CCDC18: variants seen among roughly 807,000 people sequenced by gnomAD.
CCDC18 encodes the protein coiled-coil domain-containing protein 18.
CCDC18 carries 157 observed loss-of-function variants against 196.0 expected under a neutral mutation model. The observed-to-expected ratio is 0.80, with a 90% CI of 0.70 to 0.91. CCDC18 has a LOEUF of 0.91. Among genes scored for constraint, CCDC18 ranks in the 40% least tolerant of loss-of-function variants. The pLI, the probability that CCDC18 is intolerant of heterozygous loss-of-function variation, is 0.00. For synonymous variants in CCDC18, 482 were observed against 529.2 expected, an observed-to-expected ratio of 0.91 and a Z score of 1.22; for missense variants, 1,465 against 1,611.6, an observed-to-expected ratio of 0.91 and a Z score of 1.56.
intron 17 of CCDC18, among the ~76,000 whole-genome samples, chr1:93,228,523 A>C (rs917041590): frequency 6.6e-6 from 1 of 151,966 alleles, no homozygotes; most frequent in Non-Finnish European, 1.5e-5. Flanking sequence ...AAAAAAAAAA[A>C]ACTTCAGATT....
intron 6 of CCDC18, among the ~76,000 whole-genome samples, chr1:93,198,595 T>A (rs940877056): frequency 6.6e-6 from 1 of 152,128 alleles, no homozygotes; most frequent in Non-Finnish European, 1.5e-5. Flanking sequence ...CAATAAAAAA[T>A]TAAAATCAAA....
chr1:93,204,731 T>A (rs1654427740), intron 7 of CCDC18, among the ~76,000 whole-genome samples: 2 of 152,256 alleles, frequency 1.3e-5, no homozygotes, highest in East Asian at 3.9e-4. Flanking sequence ...AAGGTCTCAC[T>A]AGGTACTGAA....
intron 17 of CCDC18, 78 bp from the exon 18 acceptor site, chr1:93,232,348 G>T (rs1481262322): frequency 1.2e-6 from 1 of 823,426 alleles, no homozygotes; most frequent in South Asian, 1.9e-5. Context: ...ATCTAATAAG[G>T]AGGACAGCTT....
chr1:93,183,249 CACA>C (rs1182705641), intron 1 of CCDC18, 108 bp from the exon 2 acceptor site: 3 of 748,318 alleles, frequency 4.0e-6, no homozygotes, highest in African/African-American at 3.6e-5. Context: ...TGAAAGATTT[CACA>C]ACATTTAAAA....
intron 25 of CCDC18, among the ~76,000 whole-genome samples, chr1:93,258,388 C>A (rs573807628): frequency 2.0e-5 from 3 of 152,144 alleles, no homozygotes; most frequent in African/African-American, 7.2e-5. Flanking sequence ...AAAAACACAA[C>A]TGACTCTTGA....
chr1:93,196,714 A>G (rs556675593), intron 6 of CCDC18, among the ~76,000 whole-genome samples: 2 of 152,358 alleles, frequency 1.3e-5, no homozygotes, highest in East Asian at 3.9e-4. Context: ...GGATGTGTAT[A>G]TGGAACCATG....
chr1:93,183,650 A>T (rs1485052885), intron 2 of CCDC18, among the ~76,000 whole-genome samples, 155 bp downstream of exon 2: 1 of 152,072 alleles, frequency 6.6e-6, no homozygotes, highest in African/African-American at 2.4e-5. Flanking sequence ...TTAGGGAAAA[A>T]TAAGGAATAT....
intron 27 of CCDC18, among the ~76,000 whole-genome samples, chr1:93,269,032 TC>T (rs1237960481): frequency 2.6e-5 from 4 of 152,110 alleles, no homozygotes; most frequent in Admixed American, 6.5e-5. Context: ...AACCCAAATG[TC>T]CATCAGTGAT....
chr1:93,244,959 C>T (rs1661298858), intron 21 of CCDC18, among the ~76,000 whole-genome samples: 1 of 152,190 alleles, frequency 6.6e-6, no homozygotes, highest in Non-Finnish European at 1.5e-5. Context: ...ACTACCCACT[C>T]TAAAGTAGCC....
At chr1:93,232,373 C>T in intron 17 of CCDC18, 53 bp from the exon 18 acceptor site, 1 of 1,101,590 alleles carries the variant, frequency 9.1e-7, no homozygotes, top group Non-Finnish European at 1.3e-6. Context: ...ATTTTATTGC[C>T]ATTTATTTGA....
chr1:93,202,778 C>T (rs527844011), intron 7 of CCDC18, among the ~76,000 whole-genome samples: 1 of 152,208 alleles, frequency 6.6e-6, no homozygotes, highest in South Asian at 2.1e-4. Context: ...ACACATGATA[C>T]CTATCCTAAA....
intron 4 of CCDC18, among the ~76,000 whole-genome samples, chr1:93,187,921 T>C (rs181676204): frequency 1.8e-4 from 28 of 152,354 alleles, no homozygotes. Flanking sequence ...GTGATTTGTC[T>C]GTTCATTTTT....
At position 93,193,712 on chromosome 1, in the gene CCDC18, G is replaced by A. The variant is rs753513075; in HGVS notation, c.666G>A (p.Val222=). The change falls in exon 6 of 29, where the codon GTG becomes GTA. Residue 222 remains valine (V), a synonymous_variant. Coordinates refer to ENST00000690025, the MANE Select transcript of CCDC18 (RefSeq NM_001378204.1). ...ESKEECIKLK[V]DLLEQTKQGK... ...AAGAGGAATGTATAAAATTAAAGGT[G>A]GACTTACTTGAACAAACCAAACAAG... is the stretch of plus-strand genomic sequence containing the variant. 1 of 1,581,606 alleles carries A rather than the reference G, an allele frequency of 6.3e-7. No homozygotes were observed. Among genetic ancestry groups the A allele is most frequent in the South Asian group, 1.2e-5 (1 of 85,162 alleles).
intron 24 of CCDC18, among the ~76,000 whole-genome samples, chr1:93,255,216 G>T (rs1662798055): frequency 1.3e-5 from 2 of 152,018 alleles, no homozygotes; most frequent in Admixed American, 1.3e-4. Flanking sequence ...CTCCCAAAGT[G>T]CTGGGATTAC....
Position 93,214,866 on chromosome 1 carries a change from C to A in CCDC18, c.1619C>A (p.Ser540Tyr). The change falls in exon 12 of 29, where the codon TCT becomes TAT. Residue 540 changes from serine to tyrosine, a missense_variant. By Grantham distance (144) the Ser-to-Tyr change is moderately radical. Coordinates refer to ENST00000690025, the MANE Select transcript of CCDC18 (RefSeq NM_001378204.1). ...TKLIQIEAENSDLKVNMAHRT... is the reference protein window; with the variant it reads ...TKLIQIEAENYDLKVNMAHRT... ...CTGATACAAATAGAAGCTGAAAATT[C>A]TGATTTGAAGGTTAACATGGCTCAC... 6.2e-7 allele frequency: 1 copy of A among 1,613,568 alleles called. No homozygotes were observed. Among genetic ancestry groups the A allele is most frequent in the Non-Finnish European group, 8.5e-7 (1 of 1,179,706 alleles).
At chr1:93,251,203 C>CA (rs1315626911) in intron 23 of CCDC18, among the ~76,000 whole-genome samples, 1 of 151,686 alleles carries the variant, frequency 6.6e-6, no homozygotes, top group African/African-American at 2.4e-5. Context: ...ACTGTGATAG[C>CA]AAAAACAAAA....
At chr1:93,260,338 C>G (rs756631923) in intron 26 of CCDC18, among the ~76,000 whole-genome samples, 45 of 152,102 alleles carry the variant, frequency 3.0e-4, no homozygotes, top group Non-Finnish European at 5.1e-4. Context: ...AAGCCAAGAT[C>G]GCGCCATTGC....
Position 93,234,936 on chromosome 1 carries a change from A to AGAGT in CCDC18, c.2461-1311_2461-1310insAGTG, listed in dbSNP as rs1553178273. On this transcript the variant is annotated intron_variant, in intron 18 of 28. Transcript: ENST00000690025. ...GTGCATACCACCATGCCCAGCTAAG[A>AGAGT]GTGTGTGTGTGTGTGTGTGTGTGTG... Among the ~76,000 whole-genome samples the AGAGT allele has an allele frequency of 5.0e-5, 6 of 119,372 alleles. No homozygotes were observed. The South Asian group carries it at 1.7e-3, about 34-fold the overall frequency. 78.3% of individuals were successfully genotyped at this position (119,372 alleles called of 152,430 possible). A position where few individuals can be genotyped will look rare whatever the true frequency, so the allele number is the denominator to read the frequency against.
Position 93,270,815 on chromosome 1 carries a change from G to A in CCDC18, c.4353+1G>A. 6.6e-7 allele frequency: 1 copy of A among 1,516,668 alleles called. No individual in the cohort carries two copies. 94.0% of individuals were successfully genotyped at this position (1,516,668 alleles called of 1,614,324 possible). A position where few individuals can be genotyped will look rare whatever the true frequency, so the allele number is the denominator to read the frequency against. ...GCAAACAGGTGCTGGTTTAAATCAG[G>A]TATGTATTTTATACACTGTAAACTG... On this transcript the variant is annotated splice_donor_variant, in intron 28 of 28. Transcript: ENST00000690025. LOFTEE classifies it high-confidence loss of function.
Sources: allele counts gnomAD v4.1 joint callset (sites outside exome capture counted in the v4.1 genomes callset), GRCh38; gene constraint gnomAD v4.1.1; transcripts MANE v1.5; gene names NCBI Gene and HGNC (gene_info 2026-07-23, HGNC 2026-07-21).